Variants in DSCAM observed in about 807,000 individuals in gnomAD.
DSCAM encodes the protein DS cell adhesion molecule.
A neutral mutation model predicts 217.7 loss-of-function variants in DSCAM; 47 were observed. The ratio of observed to expected loss-of-function variants is 0.22; its 90% CI spans 0.17 to 0.28. DSCAM has a LOEUF of 0.28. Ranked by LOEUF, DSCAM falls within the 10% of genes least tolerant of loss-of-function variation. DSCAM has a pLI of 1.00. For synonymous variants in DSCAM, 1,056 were observed against 1,015.3 expected (o/e 1.04, Z -0.76); for missense variants, 2,080 against 2,618.3 (o/e 0.79, Z 4.49).
At chr21:40,817,957 G>A (rs2091894730) in intron 1 of DSCAM, among the ~76,000 whole-genome samples, 2 of 150,988 alleles carry the variant, frequency 1.3e-5, no homozygotes, top group Admixed American at 1.3e-4. Flanking sequence ...TTAGCCGGGC[G>A]CGGTGGCGGG....
intron 3 of DSCAM, among the ~76,000 whole-genome samples, chr21:40,686,096 T>C (rs1255878882): frequency 1.3e-5 from 2 of 150,752 alleles, no homozygotes; most frequent in Non-Finnish European, 3.0e-5. Flanking sequence ...ACAAATGAGG[T>C]TTTACACACA....
chr21:40,698,238 A>G (rs2090616055), intron 2 of DSCAM, among the ~76,000 whole-genome samples: 1 of 152,222 alleles, frequency 6.6e-6, no homozygotes. Context: ...TTCAAGGCAT[A>G]ATAAATCTAA....
chr21:40,317,389 C>T (rs2074209308), intron 8 of DSCAM, among the ~76,000 whole-genome samples: 1 of 152,206 alleles, frequency 6.6e-6, no homozygotes, highest in South Asian at 2.1e-4. Context: ...ACATTGATGA[C>T]TCAAGTGAGT....
chr21:40,816,192 G>C (rs923133959), intron 1 of DSCAM, among the ~76,000 whole-genome samples: 2 of 150,598 alleles, frequency 1.3e-5, no homozygotes, highest in Admixed American at 6.6e-5. Context: ...GTACAAACGA[G>C]AAGAAGTGTG....
intron 2 of DSCAM, among the ~76,000 whole-genome samples, chr21:40,695,685 C>T (rs2090587457): frequency 6.6e-6 from 1 of 152,154 alleles, no homozygotes; most frequent in African/African-American, 2.4e-5. Context: ...TTAGAAAATA[C>T]TTGGCACACA....
At chr21:40,022,780 C>G (rs987235303) in intron 32 of DSCAM, among the ~76,000 whole-genome samples, 1 of 148,974 alleles carries the variant, frequency 6.7e-6, no homozygotes, top group Non-Finnish European at 1.5e-5. Flanking sequence ...ACAATACATT[C>G]TTTTTTTTTT....
intron 20 of DSCAM, among the ~76,000 whole-genome samples, chr21:40,121,837 A>G (rs1010808921): frequency 6.6e-5 from 10 of 151,744 alleles, no homozygotes; most frequent in African/African-American, 9.7e-5. Flanking sequence ...GATTACAGGC[A>G]TGTACCACCA....
chr21:40,514,135 A>C (rs1411115330), intron 3 of DSCAM, among the ~76,000 whole-genome samples: 1 of 152,306 alleles, frequency 6.6e-6, no homozygotes, highest in African/African-American at 2.4e-5. Context: ...CAACCTCCCA[A>C]AACAATTTAA....
At chr21:40,552,445 C>G (rs375854751) in intron 3 of DSCAM, among the ~76,000 whole-genome samples, 15 of 152,202 alleles carry the variant, frequency 9.9e-5, no homozygotes, top group East Asian at 5.8e-4. Flanking sequence ...CAACTGGAAA[C>G]TCACGTAGTC....
intron 8 of DSCAM, among the ~76,000 whole-genome samples, chr21:40,329,622 A>G (rs945498857): frequency 7.2e-6 from 1 of 139,834 alleles, no homozygotes; most frequent in Non-Finnish European, 1.5e-5. Context: ...CTAAATAAAT[A>G]AATAAATAAA....
chr21:40,363,750 G>A (rs980655988), intron 4 of DSCAM, among the ~76,000 whole-genome samples: 13 of 152,232 alleles, frequency 8.5e-5, no homozygotes, highest in African/African-American at 2.6e-4. Flanking sequence ...GCAACCTACA[G>A]AATAGGAGAA....
chr21:40,738,041 G>T (rs543448556), intron 1 of DSCAM, among the ~76,000 whole-genome samples: 1 of 152,316 alleles, frequency 6.6e-6, no homozygotes, highest in East Asian at 1.9e-4. Context: ...ACTAGTGGGA[G>T]GCATATGTTT....
Position 40,505,742 on chromosome 21 carries a change from G to A in DSCAM, c.509-136497C>T, listed in dbSNP as rs527924495. On this transcript the variant is annotated intron_variant, in intron 3 of 32. Transcript: ENST00000400454. Reference sequence around the variant, plus strand: ...ATTAAATTACTCTTTGGGGAAGCTCGGCTCATCACGTAAAATCACTCGAGG... The same window carrying A: ...ATTAAATTACTCTTTGGGGAAGCTCAGCTCATCACGTAAAATCACTCGAGG... Among the ~76,000 whole-genome samples, 154 of 152,180 alleles carry A rather than the reference G, an allele frequency of 1.0e-3. 1 individual carries two copies. The highest frequency in any genetic ancestry group is 3.4e-3 in the Middle Eastern group (1 of 294).
chr21:40,266,635 T>TATATA (rs1555896543), intron 11 of DSCAM, among the ~76,000 whole-genome samples: 2 of 62,642 alleles, frequency 3.2e-5, no homozygotes, highest in African/African-American at 1.7e-4. Context: ...CAAAGATGTT[T>TATATA]TATATATATA....
intron 3 of DSCAM, among the ~76,000 whole-genome samples, chr21:40,632,766 G>T (rs1045562744): frequency 6.6e-5 from 10 of 152,126 alleles, no homozygotes; most frequent in Non-Finnish European, 1.2e-4. Context: ...CTTTTAGAAA[G>T]ACCACTACAC....
chr21:40,405,965 C>A (rs1478194393), intron 3 of DSCAM, among the ~76,000 whole-genome samples: 1 of 152,206 alleles, frequency 6.6e-6, no homozygotes, highest in Non-Finnish European at 1.5e-5. Flanking sequence ...CCACTGCACT[C>A]CAGCCTGTGC....
chr21:40,072,728 G>A (rs2089314410), intron 27 of DSCAM, among the ~76,000 whole-genome samples: 1 of 152,082 alleles, frequency 6.6e-6, no homozygotes, highest in South Asian at 2.1e-4. Context: ...TTTGTGCCAT[G>A]GCAAGCTACT....
At chr21:40,157,060 C>T (rs889800013) in intron 16 of DSCAM, among the ~76,000 whole-genome samples, 7 of 151,984 alleles carry the variant, frequency 4.6e-5, no homozygotes, top group African/African-American at 7.3e-5. Flanking sequence ...TAGCTAACAA[C>T]GGTTTCTTGT....
intron 16 of DSCAM, among the ~76,000 whole-genome samples, chr21:40,145,673 CG>C (rs142739789): frequency 0.43 from 64,881 of 151,650 alleles, 17,087 homozygotes; most frequent in South Asian, 0.59. Context: ...GGTGAAACCC[CG>C]TCTCTGCTAA....
Sources: gnomAD v4.1 joint callset for allele counts (sites outside exome capture counted in the v4.1 genomes callset) on GRCh38, gnomAD v4.1.1 for gene constraint, MANE v1.5 for transcripts, NCBI Gene and HGNC (gene_info 2026-07-23, HGNC 2026-07-21) for gene names.